The following NTRK2 variants were observed in gnomAD, a reference collection of about 807,000 sequenced individuals.
The protein encoded by NTRK2 is BDNF/NT-3 growth factors receptor.
NTRK2 carries 13 observed loss-of-function variants against 94.5 expected under a neutral mutation model. The observed-to-expected ratio is 0.14, with a 90% CI of 0.09 to 0.22. NTRK2 has a LOEUF of 0.22. NTRK2 is among the 10% of genes least tolerant of loss of function. NTRK2 has a pLI of 1.00. For missense variants in NTRK2, 639 were observed against 1,071.2 expected, an observed-to-expected ratio of 0.60 and a Z score of 5.63; for synonymous variants, 372 against 407.4, an observed-to-expected ratio of 0.91 and a Z score of 1.05.
intron 12 of NTRK2, among the ~76,000 whole-genome samples, chr9:84,838,006 G>A (rs1462100500): frequency 2.0e-5 from 3 of 152,086 alleles, no homozygotes; most frequent in Non-Finnish European, 4.4e-5. Flanking sequence ...TTATGGAAAA[G>A]GCAAATATAT....
chr9:84,714,162 T>C (rs1012218360), intron 6 of NTRK2, among the ~76,000 whole-genome samples: 8 of 152,194 alleles, frequency 5.3e-5, no homozygotes, highest in South Asian at 2.1e-4. Flanking sequence ...TTTCTCCAGC[T>C]GCTGATTTTT....
intron 2 of NTRK2, among the ~76,000 whole-genome samples, chr9:84,697,269 G>T (rs780788299): frequency 1.3e-5 from 2 of 152,140 alleles, no homozygotes; most frequent in Non-Finnish European, 2.9e-5. Context: ...TGAGATTCCT[G>T]TGAGGCAAGT....
At chr9:84,835,065 A>G (rs1013384660) in intron 12 of NTRK2, among the ~76,000 whole-genome samples, 2 of 152,146 alleles carry the variant, frequency 1.3e-5, no homozygotes, top group African/African-American at 4.8e-5. Flanking sequence ...AACCATAACA[A>G]CTGCCTACCC....
chr9:84,880,653 A>G (rs2076227753), intron 14 of NTRK2, among the ~76,000 whole-genome samples: 1 of 152,212 alleles, frequency 6.6e-6, no homozygotes, highest in Non-Finnish European at 1.5e-5. Flanking sequence ...GATATCAAGG[A>G]GCTGATATTC....
chr9:84,863,726 T>C (rs181543007), intron 13 of NTRK2, among the ~76,000 whole-genome samples: 241 of 152,344 alleles, frequency 1.6e-3, no homozygotes, highest in African/African-American at 5.6e-3. Context: ...GCCATATCAA[T>C]CTTCTAGGTT....
At chr9:84,982,466 T>A (rs559477124) in intron 17 of NTRK2, among the ~76,000 whole-genome samples, 6 of 152,166 alleles carry the variant, frequency 3.9e-5, no homozygotes, top group Non-Finnish European at 8.8e-5. Context: ...GTCAAAAGAC[T>A]CCATTGTCAA....
intron 9 of NTRK2, among the ~76,000 whole-genome samples, chr9:84,728,219 A>C (rs1486019281): frequency 6.6e-6 from 1 of 152,146 alleles, no homozygotes; most frequent in Non-Finnish European, 1.5e-5. Flanking sequence ...AACTGCAACG[A>C]TGTGAGGCTT....
At chr9:84,967,665 C>T (rs1217249122) in intron 17 of NTRK2, among the ~76,000 whole-genome samples, 1 of 152,220 alleles carries the variant, frequency 6.6e-6, no homozygotes, top group Admixed American at 6.5e-5. Flanking sequence ...TGGCCCACGC[C>T]CTCAGCCCTG....
intron 17 of NTRK2, among the ~76,000 whole-genome samples, chr9:84,971,903 G>A (rs1439802610): frequency 1.3e-5 from 2 of 152,190 alleles, no homozygotes; most frequent in Non-Finnish European, 2.9e-5. Flanking sequence ...TATCAAGGAT[G>A]TGAGATAGAT....
chr9:84,744,316 G>GTGGATCTACCTTTT (rs1554713817), intron 10 of NTRK2, among the ~76,000 whole-genome samples: 2 of 152,190 alleles, frequency 1.3e-5, no homozygotes, highest in African/African-American at 4.8e-5. Flanking sequence ...TAAGTATTGT[G>GTGGATCTACCTTTT]TGGATCTACC....
At chr9:85,000,943 A>G (rs1830267764) in intron 17 of NTRK2, among the ~76,000 whole-genome samples, 1 of 152,172 alleles carries the variant, frequency 6.6e-6, no homozygotes, top group South Asian at 2.1e-4. Flanking sequence ...AGTGTTCTGG[A>G]TTTTAGCCAT....
At chr9:84,897,866 G>A (rs1320226214) in intron 14 of NTRK2, among the ~76,000 whole-genome samples, 1 of 152,154 alleles carries the variant, frequency 6.6e-6, no homozygotes, top group African/African-American at 2.4e-5. Flanking sequence ...AAAGGCCTGT[G>A]AGCAAGGGAC....
At chr9:84,928,169 T>C (rs917456165) in intron 14 of NTRK2, among the ~76,000 whole-genome samples, 1 of 152,238 alleles carries the variant, frequency 6.6e-6, no homozygotes, top group Non-Finnish European at 1.5e-5. Flanking sequence ...CCAACTTGTA[T>C]CTTAATAAAA....
intron 15 of NTRK2, among the ~76,000 whole-genome samples, chr9:84,942,406 A>T (rs2078442787): frequency 6.6e-6 from 1 of 152,198 alleles, no homozygotes; most frequent in South Asian, 2.1e-4. Flanking sequence ...TGCGTGGTTA[A>T]TCATTGCCTG....
chr9:84,687,192 G>T (rs574318272), intron 2 of NTRK2, among the ~76,000 whole-genome samples: 1 of 152,248 alleles, frequency 6.6e-6, no homozygotes, highest in South Asian at 2.1e-4. Flanking sequence ...TGGGATTACA[G>T]GTGTAAGTCA....
At chr9:84,791,358 T>C (rs1039685110) in intron 12 of NTRK2, among the ~76,000 whole-genome samples, 2 of 152,166 alleles carry the variant, frequency 1.3e-5, no homozygotes, top group African/African-American at 2.4e-5. Flanking sequence ...TTTTCTTATG[T>C]CTGGATTAAT....
At chr9:84,808,436 G>A (rs1050314654) in intron 12 of NTRK2, among the ~76,000 whole-genome samples, 2 of 152,210 alleles carry the variant, frequency 1.3e-5, no homozygotes, top group Non-Finnish European at 1.5e-5. Context: ...CTGGGGTCAT[G>A]CTGTCTCTAT....
intron 15 of NTRK2, among the ~76,000 whole-genome samples, chr9:84,943,713 T>G (rs1389067708): frequency 2.0e-5 from 3 of 152,188 alleles, no homozygotes; most frequent in Non-Finnish European, 4.4e-5. Flanking sequence ...GCCAAGGGAC[T>G]CAGGGAACCA....
intron 12 of NTRK2, among the ~76,000 whole-genome samples, chr9:84,790,713 A>G (rs990061999): frequency 6.6e-6 from 1 of 152,212 alleles, no homozygotes; most frequent in Non-Finnish European, 1.5e-5. Context: ...TGAGATGCAG[A>G]AGGAAGAAGT....
Sources: gnomAD v4.1 joint callset for allele counts (sites outside exome capture counted in the v4.1 genomes callset) on GRCh38, gnomAD v4.1.1 for gene constraint, MANE v1.5 for transcripts, NCBI Gene and HGNC (gene_info 2026-07-23, HGNC 2026-07-21) for gene names.